Variants in ZNF730 observed in about 807,000 individuals in gnomAD.
ZNF730 encodes the protein zinc finger protein 730, also known as putative zinc finger protein 730.
Under a neutral mutation model 12.6 loss-of-function variants are expected in ZNF730, and 12 were observed. That is an observed-to-expected ratio of 0.95 (90% CI 0.61 to 1.54). The LOEUF (loss-of-function observed/expected upper bound fraction) is 1.54. Among genes scored for constraint, ZNF730 ranks in the 40% most tolerant of loss-of-function variants. The pLI is 0.00. For synonymous variants in ZNF730, 194 were observed against 195.8 expected (o/e 0.99, Z 0.08); for missense variants, 643 against 583.5 (o/e 1.10, Z -1.05).
chr19:23,128,428 A>T, intron 1 of ZNF730: 1 of 373,254 alleles, frequency 2.7e-6, no homozygotes, highest in South Asian at 3.0e-5. Context: ...AGTCTATGAG[A>T]AGAAGCCCAA....
chr19:23,089,160 C>T (rs564199049), intron 1 of ZNF730, among the ~76,000 whole-genome samples: 41 of 152,086 alleles, frequency 2.7e-4, no homozygotes, highest in African/African-American at 9.4e-4. Context: ...CGTGAGCCAC[C>T]GCGCCTGGCT....
At chr19:23,113,227 TTG>T (rs1183521016), upstream of ZNF730, among the ~76,000 whole-genome samples, 9 of 152,190 alleles carry the variant, frequency 5.9e-5, no homozygotes, top group Non-Finnish European at 1.2e-4. Context: ...AGCTAATTAT[TTG>T]ATCTATGTAA....
chr19:23,111,014 AGT>A (rs1970455127), intron 1 of ZNF730, among the ~76,000 whole-genome samples: 1 of 152,196 alleles, frequency 6.6e-6, no homozygotes, highest in African/African-American at 2.4e-5. Flanking sequence ...TTTAATGTTA[AGT>A]GTGGACTCTT....
chr19:23,088,527 G>A (rs1453033337), intron 1 of ZNF730, among the ~76,000 whole-genome samples: 1 of 151,878 alleles, frequency 6.6e-6, no homozygotes, highest in Non-Finnish European at 1.5e-5. Context: ...GGAGTGCAAT[G>A]GCATGATCTC....
At chr19:23,133,504 A>G (rs56082086) in intron 1 of ZNF730, among the ~76,000 whole-genome samples, 1 of 152,102 alleles carries the variant, frequency 6.6e-6, no homozygotes. Context: ...CACCATGGCC[A>G]GCTAATTTTG....
intron 1 of ZNF730, among the ~76,000 whole-genome samples, chr19:23,096,560 T>C (rs924870860): frequency 3.9e-5 from 6 of 152,152 alleles, no homozygotes; most frequent in African/African-American, 1.4e-4. Context: ...CCCTGCCAAC[T>C]GGGGTGTTTG....
chr19:23,120,361 T>C (rs898332681), intron 1 of ZNF730, among the ~76,000 whole-genome samples: 3 of 152,124 alleles, frequency 2.0e-5, no homozygotes, highest in African/African-American at 7.2e-5. Flanking sequence ...TTGTTATTGG[T>C]CTATTCACTG....
intron 1 of ZNF730, among the ~76,000 whole-genome samples, chr19:23,130,650 A>G (rs1424346160): frequency 6.6e-6 from 1 of 151,798 alleles, no homozygotes; most frequent in African/African-American, 2.4e-5. Context: ...CTTTTAATAA[A>G]ATTATCCGCG....
intron 1 of ZNF730, among the ~76,000 whole-genome samples, chr19:23,096,242 C>G (rs1970249665): frequency 6.6e-6 from 1 of 152,124 alleles, no homozygotes; most frequent in South Asian, 2.1e-4. Flanking sequence ...TGTAACTCTA[C>G]TGTACTGTTT....
chr19:23,104,755 C>G (rs922009163), intron 1 of ZNF730, among the ~76,000 whole-genome samples: 2 of 152,138 alleles, frequency 1.3e-5, no homozygotes, highest in African/African-American at 4.8e-5. Flanking sequence ...GCTTGACTTG[C>G]AGAGATGATA....
chr19:23,101,595 A>G (rs1168358376), intron 1 of ZNF730, among the ~76,000 whole-genome samples: 1 of 152,160 alleles, frequency 6.6e-6, no homozygotes, highest in East Asian at 1.9e-4. Context: ...CACAGATGAG[A>G]TTGTGACATA....
chr19:23,093,268 G>A (rs1014034889), intron 1 of ZNF730, among the ~76,000 whole-genome samples: 1 of 152,154 alleles, frequency 6.6e-6, no homozygotes, highest in South Asian at 2.1e-4. Context: ...GAGCCACTGC[G>A]CCCAGCCTGT....
intron 1 of ZNF730, among the ~76,000 whole-genome samples, chr19:23,126,413 A>G (rs1970668034): frequency 6.6e-6 from 1 of 152,256 alleles, no homozygotes; most frequent in African/African-American, 2.4e-5. Flanking sequence ...TCGCCTGTAC[A>G]TGGTGCTGCT....
chr19:23,114,259 A>G (rs1460172883), upstream of ZNF730, among the ~76,000 whole-genome samples: 1 of 147,134 alleles, frequency 6.8e-6, no homozygotes, highest in Non-Finnish European at 1.5e-5. Context: ...GCCCAATAAA[A>G]CTCTGTTAAA....
intron 3 of ZNF730, among the ~76,000 whole-genome samples, chr19:23,137,537 A>G (rs1272752094): frequency 6.6e-6 from 1 of 152,218 alleles, no homozygotes; most frequent in Non-Finnish European, 1.5e-5. Context: ...GCAGCTTCTT[A>G]CTTGTCTTCA....
chr19:23,097,912 G>A (rs1970278568), intron 1 of ZNF730, among the ~76,000 whole-genome samples: 1 of 152,170 alleles, frequency 6.6e-6, no homozygotes, highest in Non-Finnish European at 1.5e-5. Flanking sequence ...GTCAAGGCAG[G>A]TGGGTCACCT....
exon 1 of ZNF730, chr19:23,075,337 C>G (rs1032495358): frequency 6.5e-6 from 1 of 154,160 alleles, no homozygotes; most frequent in South Asian, 1.8e-4. Context: ...ATCTGCAGGT[C>G]CTGGGAGACG....
intron 1 of ZNF730, among the ~76,000 whole-genome samples, chr19:23,128,806 G>A (rs952894256): frequency 1.3e-5 from 2 of 152,130 alleles, no homozygotes; most frequent in Non-Finnish European, 2.9e-5. Context: ...CATGACAGAG[G>A]TCTTCTCTGC....
intron 1 of ZNF730, among the ~76,000 whole-genome samples, chr19:23,110,261 G>A (rs12459706): frequency 6.2e-4 from 78 of 126,828 alleles, no homozygotes; most frequent in Admixed American, 3.5e-3. Flanking sequence ...ATGAGCCACC[G>A]TGTCTGGCCT....
Sources: gnomAD v4.1 joint callset for allele counts (sites outside exome capture counted in the v4.1 genomes callset) on GRCh38, gnomAD v4.1.1 for gene constraint, MANE v1.5 for transcripts, NCBI Gene and HGNC (gene_info 2026-07-23, HGNC 2026-07-21) for gene names.